The following ADHFE1 variants were observed in gnomAD, a reference collection of about 807,000 sequenced individuals.
ADHFE1 encodes the protein alcohol dehydrogenase iron containing 1.
Under a neutral mutation model 54.8 loss-of-function variants are expected in ADHFE1, and 37 were observed. That is an observed-to-expected ratio of 0.68 (90% CI 0.52 to 0.89). The LOEUF is 0.89. ADHFE1 is among the 40% of genes least tolerant of loss of function. ADHFE1 has a pLI of 0.00. For synonymous variants in ADHFE1, 203 were observed against 229.3 expected, an observed-to-expected ratio of 0.89 and a Z score of 1.04; for missense variants, 601 against 591.2, an observed-to-expected ratio of 1.02 and a Z score of -0.17.
At chr8:66,432,955 G>T (rs929196913) in intron 1 of ADHFE1, 39 of 992,724 alleles carry the variant, frequency 3.9e-5, no homozygotes, top group Non-Finnish European at 4.5e-5. Flanking sequence ...TAGGTTCTGG[G>T]GATACAAAGA....
intron 9 of ADHFE1, 117 bp downstream of exon 9, chr8:66,452,222 C>T (rs1806337508): frequency 4.4e-6 from 6 of 1,367,778 alleles, no homozygotes; most frequent in Non-Finnish European, 4.9e-6. Context: ...GAAAAGCAGT[C>T]AGTGGATGCG....
At chr8:66,462,374 C>T (rs760981451) in intron 13 of ADHFE1, among the ~76,000 whole-genome samples, 17 of 152,124 alleles carry the variant, frequency 1.1e-4, no homozygotes, top group Non-Finnish European at 2.4e-4. Context: ...CTCAGCCTCC[C>T]GAGTAGCCAG....
At position 66,468,391 on chromosome 8, in the gene ADHFE1, A is replaced by G; in HGVS notation, c.*39A>G. ...TGAAAGAATTACCGCTGGCCATTGT[A>G]GTGCTGAGAGCAAGAGCTGATCTAG... On this transcript the variant is annotated 3_prime_UTR_variant, in exon 14 of 14. Transcript: ENST00000396623. 1 of 1,550,426 alleles carries G rather than the reference A, an allele frequency of 6.4e-7. No homozygotes were observed.
At chr8:66,462,250 G>A (rs971915566) in intron 13 of ADHFE1, among the ~76,000 whole-genome samples, 4 of 152,126 alleles carry the variant, frequency 2.6e-5, no homozygotes, top group East Asian at 1.9e-4. Flanking sequence ...CAGGGACACC[G>A]TAGACTGAGT....
intron 7 of ADHFE1, 61 bp downstream of exon 7, chr8:66,447,402 C>A: frequency 1.5e-6 from 2 of 1,315,078 alleles, no homozygotes; most frequent in Non-Finnish European, 2.2e-6. Context: ...TTCTTTAAAT[C>A]CTAATATTTA....
At chr8:66,459,105 G>A (rs1220188815) in intron 12 of ADHFE1, among the ~76,000 whole-genome samples, 1 of 152,118 alleles carries the variant, frequency 6.6e-6, no homozygotes, top group Non-Finnish European at 1.5e-5. Flanking sequence ...TTAATAATGT[G>A]CTTCAATATG....
At chr8:66,457,004 C>T (rs1806621856) in intron 11 of ADHFE1, 66 bp from the exon 12 acceptor site, 2 of 1,548,942 alleles carry the variant, frequency 1.3e-6, no homozygotes, top group Admixed American at 1.8e-5. Context: ...AGTAACTTAA[C>T]ATCTAGAATA....
intron 1 of ADHFE1, among the ~76,000 whole-genome samples, chr8:66,433,863 T>G (rs1410567597): frequency 6.6e-6 from 1 of 152,226 alleles, no homozygotes; most frequent in Non-Finnish European, 1.5e-5. Context: ...AAAGCTGTGT[T>G]CAAATTTTTG....
intron 1 of ADHFE1, among the ~76,000 whole-genome samples, chr8:66,437,104 C>T (rs1029161602): frequency 2.0e-5 from 3 of 151,966 alleles, no homozygotes; most frequent in Middle Eastern, 3.2e-3. Flanking sequence ...TGGCTATAGC[C>T]CGCTGAAGGG....
chr8:66,467,215 A>T (rs1015226261), intron 13 of ADHFE1, among the ~76,000 whole-genome samples: 1 of 152,166 alleles, frequency 6.6e-6, no homozygotes, highest in Non-Finnish European at 1.5e-5. Context: ...TGGAAGTAGG[A>T]CTGACACTCC....
At position 66,452,053 on chromosome 8, in the gene ADHFE1, A is replaced by G. The variant is rs1394971890; in HGVS notation, c.835A>G (p.Ser279Gly). Residue 279 changes from serine to glycine, a missense_variant, in exon 9 of 14, where the codon AGT (serine) becomes GGT (glycine). Physicochemically the swap from Ser to Gly is moderately conservative, Grantham distance 56. Transcript: ENST00000396623. ...TGCGTACCAGGGCAGCAACCCAATCAGTGACATTTGGGCTATCCACGCGCT... is the reference window on the plus strand; with the variant it reads ...TGCGTACCAGGGCAGCAACCCAATCGGTGACATTTGGGCTATCCACGCGCT... ...RPAYQGSNPISDIWAIHALRI... is the reference protein window; with the variant it reads ...RPAYQGSNPIGDIWAIHALRI... 5 of 1,614,248 alleles carry G rather than the reference A, an allele frequency of 3.1e-6. 1 individual carries two copies. In the East Asian group the frequency reaches 1.1e-4, roughly 36 times the overall value.
chr8:66,450,046 G>C (rs1245335442), intron 8 of ADHFE1, among the ~76,000 whole-genome samples: 1 of 152,164 alleles, frequency 6.6e-6, no homozygotes, highest in African/African-American at 2.4e-5. Flanking sequence ...CTTGTATACT[G>C]CTAGTTCACA....
At chr8:66,456,132 C>T (rs1239919853) in intron 10 of ADHFE1, among the ~76,000 whole-genome samples, 1 of 151,690 alleles carries the variant, frequency 6.6e-6, no homozygotes, top group African/African-American at 2.4e-5. Context: ...GAGTGAGATA[C>T]CATCTCTAAA....
chr8:66,450,815 C>A (rs1806259454), intron 8 of ADHFE1, among the ~76,000 whole-genome samples: 1 of 152,238 alleles, frequency 6.6e-6, no homozygotes, highest in Non-Finnish European at 1.5e-5. Flanking sequence ...CTCATTCTTG[C>A]ATTATTCACA....
intron 2 of ADHFE1, 135 bp downstream of exon 2, chr8:66,440,334 G>A: frequency 1.3e-6 from 1 of 787,090 alleles, no homozygotes. Context: ...CCATTTCACT[G>A]TGAAATTGAT....
chr8:66,442,891 A>T, intron 3 of ADHFE1, 47 bp downstream of exon 3: 1 of 1,406,502 alleles, frequency 7.1e-7, no homozygotes. Flanking sequence ...ACTAGAAAAA[A>T]ATAAAACTAG....
At chr8:66,462,081 G>T (rs1806930342) in intron 13 of ADHFE1, among the ~76,000 whole-genome samples, 1 of 152,198 alleles carries the variant, frequency 6.6e-6, no homozygotes. Context: ...ATTGCACCTA[G>T]CACAGGCTAG....
intron 1 of ADHFE1, among the ~76,000 whole-genome samples, chr8:66,437,523 C>T (rs1469742667): frequency 6.6e-6 from 1 of 152,044 alleles, no homozygotes; most frequent in Non-Finnish European, 1.5e-5. Flanking sequence ...CCTAAGAAGG[C>T]GGGAACCCAC....
intron 2 of ADHFE1, 134 bp downstream of exon 2, chr8:66,440,333 T>A: frequency 1.3e-6 from 1 of 791,314 alleles, no homozygotes; most frequent in Non-Finnish European, 2.1e-6. Flanking sequence ...ACCATTTCAC[T>A]GTGAAATTGA....
Sources: gnomAD v4.1 joint callset for allele counts (sites outside exome capture counted in the v4.1 genomes callset) on GRCh38, gnomAD v4.1.1 for gene constraint, MANE v1.5 for transcripts, NCBI Gene and HGNC (gene_info 2026-07-23, HGNC 2026-07-21) for gene names.